The following ABCC3 variants were observed in gnomAD, a reference collection of about 807,000 sequenced individuals.
ABCC3 encodes ATP binding cassette subfamily C member 3.
A neutral mutation model predicts 165.3 loss-of-function variants in ABCC3; 121 were observed. The ratio of observed to expected loss-of-function variants is 0.73; its 90% CI spans 0.63 to 0.85. The LOEUF is 0.85. Among genes scored for constraint, ABCC3 ranks in the 40% least tolerant of loss-of-function variants. ABCC3 has a pLI of 0.00. For synonymous variants in ABCC3, 733 were observed against 810.1 expected (o/e 0.90, Z 1.62); for missense variants, 1,869 against 1,964.1 (o/e 0.95, Z 0.92).
intron 22 of ABCC3, 75 bp downstream of exon 22, chr17:50,676,165 C>T: frequency 1.9e-6 from 3 of 1,595,918 alleles, no homozygotes; most frequent in South Asian, 1.1e-5. Context: ...CCAAACCGTG[C>T]CCTTGCATCC....
Position 50,675,690 on chromosome 17 carries a change from A to G in ABCC3, c.2774A>G (p.His925Arg), listed in dbSNP as rs750981656. The change falls in exon 21 of 31, where the codon CAC becomes CGC. Residue 925 changes from histidine (H) to arginine (R), a missense_variant. Coordinates refer to ENST00000285238, the MANE Select transcript of ABCC3 (RefSeq NM_003786.4). ...EGQGRPVPRR[H>R]LGPSEKVQVT... ...CAGGGTCGGCCTGTACCCCGGAGGC[A>G]CCTGGGTCCATCAGAGAAGGTGCAG... 10 of 1,571,472 alleles carry G rather than the reference A, an allele frequency of 6.4e-6. No individual in the cohort carries two copies. The African/African-American group carries it at 1.4e-4, about 21-fold the overall frequency.
intron 26 of ABCC3, among the ~76,000 whole-genome samples, chr17:50,681,124 T>C (rs184764665): frequency 6.6e-6 from 1 of 151,866 alleles, no homozygotes; most frequent in Non-Finnish European, 1.5e-5. Flanking sequence ...GACAAGTTTA[T>C]AACCACACAC....
chr17:50,658,572 C>A, intron 6 of ABCC3, 76 bp downstream of exon 6: 1 of 1,519,148 alleles, frequency 6.6e-7, no homozygotes, highest in Non-Finnish European at 9.1e-7. Context: ...GGGAGCAGGG[C>A]AGCAGTTTAG....
rs767541451 is a variant in ABCC3 at position 50,684,837 on chromosome 17, C to T, written c.4242C>T (p.Gly1414=). 3.2e-5 allele frequency: 52 copies of T among 1,614,022 alleles called. No homozygotes were observed. The highest frequency in any genetic ancestry group is 4.3e-5 in the Non-Finnish European group (51 of 1,180,046). ...LHTFVSSQPA[G]LDFQCSEGGE... ...CGTTTGTGAGCTCCCAGCCGGCAGG[C>T]CTGGACTTCCAGTGCTCAGAGGGCG... The change falls in exon 29 of 31, where the codon GGC becomes GGT. Residue 1414 remains glycine, a synonymous_variant. Coordinates refer to ENST00000285238, the MANE Select transcript of ABCC3 (RefSeq NM_003786.4).
chr17:50,649,254 C>T (rs1394296780), intron 1 of ABCC3, among the ~76,000 whole-genome samples: 1 of 152,118 alleles, frequency 6.6e-6, no homozygotes, highest in Non-Finnish European at 1.5e-5. Context: ...TAGAGGTTCA[C>T]AGAGTTTTAC....
chr17:50,668,825 C>A, intron 14 of ABCC3, 28 bp from the exon 15 acceptor site: 3 of 1,610,702 alleles, frequency 1.9e-6, no homozygotes, highest in Non-Finnish European at 2.5e-6. Context: ...AGCTCCCTCC[C>A]TGACCCTGCC....
intron 1 of ABCC3, among the ~76,000 whole-genome samples, chr17:50,650,153 T>A (rs937325279): frequency 1.3e-5 from 2 of 152,240 alleles, no homozygotes; most frequent in African/African-American, 4.8e-5. Flanking sequence ...TCGCCCAGGC[T>A]GGAGTGCAAT....
intron 30 of ABCC3, among the ~76,000 whole-genome samples, chr17:50,690,646 G>C (rs1347584614): frequency 6.6e-6 from 1 of 152,238 alleles, no homozygotes; most frequent in Non-Finnish European, 1.5e-5. Context: ...AGCCGCAGCA[G>C]CCGCCACCAG....
chr17:50,650,003 C>T (rs28470592), intron 1 of ABCC3, among the ~76,000 whole-genome samples: 69,943 of 151,976 alleles, frequency 0.46, 16,681 homozygotes, highest in Non-Finnish European at 0.53. Context: ...TCTAGGCCAA[C>T]TACCTAAAGA....
rs769742684 is a variant in ABCC3 at position 50,687,496 on chromosome 17, G to A, written c.4281-40G>A. On this transcript the variant is annotated intron_variant, in intron 29 of 30. Transcript: ENST00000285238. The stretch of plus-strand genomic sequence containing the variant: ...GGGAATGAGGCCCAGAGGCAGGTGG[G>A]AGGCCCCCAGCTGGAAATGCCTGCC... The A allele has an allele frequency of 2.4e-5, 38 of 1,594,810 alleles. 1 individual carries two copies. In the South Asian group the frequency reaches 3.1e-4, roughly 13 times the overall value.
chr17:50,645,160 C>G (rs1002200086), intron 1 of ABCC3, among the ~76,000 whole-genome samples: 3 of 151,380 alleles, frequency 2.0e-5, no homozygotes, highest in African/African-American at 7.3e-5. Flanking sequence ...AAGGTCGCAC[C>G]ACTGCACTCC....
intron 29 of ABCC3, among the ~76,000 whole-genome samples, chr17:50,685,237 G>C (rs1313177446): frequency 1.3e-5 from 2 of 152,162 alleles, no homozygotes; most frequent in African/African-American, 2.4e-5. Flanking sequence ...CTTTCTTACA[G>C]CCCCAGATTT....
rs1442570168 is a variant in ABCC3 at position 50,655,823 on chromosome 17, T to C, written c.46-9T>C. On this transcript the variant is annotated splice_polypyrimidine_tract_variant and intron_variant, in intron 1 of 30. Transcript: ENST00000285238. ...TGCCACAGCACTAAACTGTTCTCTG[T>C]GTCCCCAGGACTCCAACCTGTCTGT... is the stretch of plus-strand genomic sequence containing the variant. The C allele has an allele frequency of 6.2e-7, 1 of 1,613,612 alleles. No homozygotes were observed. Among genetic ancestry groups the C allele is most frequent in the South Asian group, 1.1e-5 (1 of 91,036 alleles).
intron 7 of ABCC3, 137 bp downstream of exon 7, chr17:50,659,505 C>T (rs149491831): frequency 1.2e-5 from 13 of 1,056,442 alleles, no homozygotes; most frequent in Admixed American, 8.3e-5. Context: ...TTGGCAGCCT[C>T]GGGACCATTC....
chr17:50,666,191 G>T (rs1967523884), intron 11 of ABCC3, among the ~76,000 whole-genome samples: 1 of 152,000 alleles, frequency 6.6e-6, no homozygotes, highest in African/African-American at 2.4e-5. Context: ...CACTTCCTCG[G>T]CTGGGCACGG....
In ABCC3 at chr17:50,659,167, G is replaced by A. The variant is rs753274658; in HGVS notation, c.675-70G>A. On this transcript the variant is annotated intron_variant, in intron 6 of 30. Coordinates refer to ENST00000285238, the MANE Select transcript of ABCC3 (RefSeq NM_003786.4). ...GAGACCCTGGGGCCCTGGAGACACT[G>A]ACCCTTGGCTCCAGGCTGCTAAACC... 8.9e-6 allele frequency: 14 copies of A among 1,581,600 alleles called. No homozygotes were observed. In the Admixed American group the frequency reaches 1.7e-4, roughly 19 times the overall value.
Position 50,684,014 on chromosome 17 carries a change from G to T in ABCC3, c.4020G>T (p.Leu1340=), listed in dbSNP as rs981847510. 2.9e-5 allele frequency: 47 copies of T among 1,612,866 alleles called. No homozygotes were observed. Among genetic ancestry groups the T allele is most frequent in the Non-Finnish European group, 4.0e-5 (47 of 1,179,676 alleles). ...SSMTLCLFRI[L]EAAKGEIRID... is the part of the protein sequence containing the mutation. ...TGACCCTTTGCCTGTTCCGCATCCT[G>T]GAGGCGGCAAAGGGTGAAATCCGCA... The change falls in exon 28 of 31, where the codon CTG becomes CTT. Residue 1340 remains leucine (L), a synonymous_variant. Transcript: ENST00000285238.
Position 50,659,363 on chromosome 17 carries a change from G to A in ABCC3, c.801G>A (p.Thr267=), listed in dbSNP as rs777579345. 69 of 1,607,550 alleles carry A rather than the reference G, an allele frequency of 4.3e-5. No individual in the cohort carries two copies. The highest frequency in any genetic ancestry group is 1.8e-4 in the Middle Eastern group (1 of 5,696). ...LEAWRKQEKQ[T]ARHKASAAPG... ...CATGGAGGAAGCAGGAAAAGCAGACGGCACGGTGAGGCCCTCCCCTTGCCC... is the reference window on the plus strand; with the variant it reads ...CATGGAGGAAGCAGGAAAAGCAGACAGCACGGTGAGGCCCTCCCCTTGCCC... Residue 267 remains threonine, a synonymous_variant, in exon 7 of 31, where the codon ACG becomes ACA. Coordinates refer to ENST00000285238, the MANE Select transcript of ABCC3 (RefSeq NM_003786.4).
rs1967994295 is a variant in ABCC3 at position 50,684,819 on chromosome 17, G to A, written c.4224G>A (p.Val1408=). ...ALELSHLHTF[V]SSQPAGLDFQ... ...AGCTGTCCCACCTGCACACGTTTGTGAGCTCCCAGCCGGCAGGCCTGGACT... is the reference window on the plus strand; with the variant it reads ...AGCTGTCCCACCTGCACACGTTTGTAAGCTCCCAGCCGGCAGGCCTGGACT... The change falls in exon 29 of 31, where the codon GTG becomes GTA. Residue 1408 remains valine (V), a synonymous_variant. Transcript: ENST00000285238. 2 of 1,614,044 alleles carry A rather than the reference G, an allele frequency of 1.2e-6. No individual in the cohort carries two copies. The highest frequency in any genetic ancestry group is 1.7e-6 in the Non-Finnish European group (2 of 1,180,040).
Sources: gnomAD v4.1 joint callset for allele counts (sites outside exome capture counted in the v4.1 genomes callset) on GRCh38, gnomAD v4.1.1 for gene constraint, MANE v1.5 for transcripts, NCBI Gene and HGNC (gene_info 2026-07-23, HGNC 2026-07-21) for gene names.